PTPRK: variants seen among roughly 807,000 people sequenced by gnomAD.
PTPRK encodes receptor-type tyrosine-protein phosphatase kappa.
A neutral mutation model predicts 178.0 loss-of-function variants in PTPRK; 75 were observed. That is an observed-to-expected ratio of 0.42 (90% CI 0.35 to 0.51). PTPRK has a LOEUF of 0.51. Ranked by LOEUF, PTPRK falls within the 20% of genes least tolerant of loss-of-function variation. The pLI is 0.02. For missense variants in PTPRK, 1,441 were observed against 1,797.8 expected (o/e 0.80, Z 3.59); for synonymous variants, 637 against 620.6 (o/e 1.03, Z -0.39).
chr6:128,483,118 T>C (rs1423027040), intron 1 of PTPRK, among the ~76,000 whole-genome samples: 1 of 152,190 alleles, frequency 6.6e-6, no homozygotes, highest in African/African-American at 2.4e-5. Context: ...AATTTATCTA[T>C]TTATTTTCAA....
chr6:128,493,388 C>T lies in PTPRK; in HGVS notation c.100+26871G>A, dbSNP rs1462991761. On this transcript the variant is annotated intron_variant, in intron 1 of 29. Coordinates refer to ENST00000368226, the MANE Select transcript of PTPRK (RefSeq NM_002844.4). Reference sequence around the variant, plus strand: ...CCATCCTGGCTAACACAGTGAAACCCTGTCTCTACTAAAAATACAAAAAAT... The same window carrying T: ...CCATCCTGGCTAACACAGTGAAACCTTGTCTCTACTAAAAATACAAAAAAT... Among the ~76,000 whole-genome samples, 4 of 152,114 alleles carry T rather than the reference C, an allele frequency of 2.6e-5. No individual in the cohort carries two copies. The South Asian group carries it at 6.2e-4, about 24-fold the overall frequency.
At chr6:128,488,933 A>G (rs190413652) in intron 1 of PTPRK, among the ~76,000 whole-genome samples, 1 of 152,242 alleles carries the variant, frequency 6.6e-6, no homozygotes, top group East Asian at 1.9e-4. Context: ...ACAAAAAAAA[A>G]ATAAGAAAAA....
At chr6:128,467,325 A>T (rs1404925781) in intron 1 of PTPRK, among the ~76,000 whole-genome samples, 1 of 152,174 alleles carries the variant, frequency 6.6e-6, no homozygotes, top group East Asian at 1.9e-4. Context: ...TGCTAATGTT[A>T]CTCAGTTTGA....
At chr6:128,181,935 C>T (rs1292938407) in intron 7 of PTPRK, among the ~76,000 whole-genome samples, 1 of 152,036 alleles carries the variant, frequency 6.6e-6, no homozygotes, top group African/African-American at 2.4e-5. Context: ...TTTCTAATAA[C>T]AGAGCAAGAT....
intron 2 of PTPRK, among the ~76,000 whole-genome samples, chr6:128,332,944 A>T (rs957428513): frequency 4.6e-5 from 7 of 152,208 alleles, no homozygotes; most frequent in African/African-American, 1.7e-4. Flanking sequence ...AGATTTTTCC[A>T]ATTTCTGAAA....
chr6:128,359,054 C>T (rs1467211297), intron 2 of PTPRK, among the ~76,000 whole-genome samples: 1 of 152,228 alleles, frequency 6.6e-6, no homozygotes, highest in African/African-American at 2.4e-5. Flanking sequence ...CCTAATTGCC[C>T]TTGCTTTCAC....
intron 6 of PTPRK, among the ~76,000 whole-genome samples, chr6:128,216,822 G>A (rs138144213): frequency 1.3e-5 from 2 of 151,692 alleles, no homozygotes; most frequent in African/African-American, 4.9e-5. Context: ...TATAAAGGGA[G>A]CACCTGGATA....
chr6:128,213,425 G>A (rs576482208), intron 6 of PTPRK, among the ~76,000 whole-genome samples: 16 of 151,962 alleles, frequency 1.1e-4, no homozygotes, highest in Admixed American at 2.6e-4. Flanking sequence ...AGGGGTTTTG[G>A]GGGGTAAAAT....
At chr6:128,350,681 T>G (rs1833000818) in intron 2 of PTPRK, among the ~76,000 whole-genome samples, 1 of 152,204 alleles carries the variant, frequency 6.6e-6, no homozygotes, top group South Asian at 2.1e-4. Context: ...TAGAATAACT[T>G]AAAGTAATGC....
At chr6:128,431,501 TA>T (rs911548107) in intron 1 of PTPRK, among the ~76,000 whole-genome samples, 12 of 151,358 alleles carry the variant, frequency 7.9e-5, no homozygotes, top group East Asian at 7.7e-4. Context: ...GAAATCAATT[TA>T]AAAAAAAATA....
chr6:128,025,788 G>A (rs374472813), intron 13 of PTPRK, among the ~76,000 whole-genome samples: 1 of 152,140 alleles, frequency 6.6e-6, no homozygotes, highest in Non-Finnish European at 1.5e-5. Context: ...CTCTACCTCT[G>A]TGGTCACATT....
intron 2 of PTPRK, among the ~76,000 whole-genome samples, chr6:128,334,067 T>C (rs1329324081): frequency 6.6e-6 from 1 of 152,088 alleles, no homozygotes; most frequent in African/African-American, 2.4e-5. Flanking sequence ...CATACAACAT[T>C]TATCAGTTAA....
intron 2 of PTPRK, among the ~76,000 whole-genome samples, chr6:128,353,223 T>A (rs1338375802): frequency 6.6e-6 from 1 of 152,194 alleles, no homozygotes; most frequent in South Asian, 2.1e-4. Context: ...AGTGCTAGCA[T>A]CAAATGCTGG....
intron 3 of PTPRK, among the ~76,000 whole-genome samples, chr6:128,314,193 T>C (rs2128317568): frequency 6.6e-6 from 1 of 152,332 alleles, no homozygotes; most frequent in South Asian, 2.1e-4. Context: ...TCTGCTTTCA[T>C]ATTTTTTAAA....
chr6:128,511,825 C>T (rs888505696), intron 1 of PTPRK, among the ~76,000 whole-genome samples: 1 of 152,084 alleles, frequency 6.6e-6, no homozygotes, highest in African/African-American at 2.4e-5. Flanking sequence ...CTTAACCCCT[C>T]GAGGCCTTAG....
chr6:128,188,030 A>G (rs1230830952), intron 6 of PTPRK, among the ~76,000 whole-genome samples: 1 of 152,178 alleles, frequency 6.6e-6, no homozygotes, highest in East Asian at 1.9e-4. Context: ...CTGCAGCAAT[A>G]TTAATATTCT....
At chr6:128,404,801 A>G (rs184185523) in intron 1 of PTPRK, among the ~76,000 whole-genome samples, 3 of 152,338 alleles carry the variant, frequency 2.0e-5, no homozygotes, top group African/African-American at 7.2e-5. Flanking sequence ...CCCAAAGAAG[A>G]AAAAATGAAA....
At chr6:128,188,347 ATG>A in intron 6 of PTPRK, among the ~76,000 whole-genome samples, 1 of 150,436 alleles carries the variant, frequency 6.6e-6, no homozygotes, top group Non-Finnish European at 1.5e-5. Context: ...TTACAAACAC[ATG>A]TGTCACTTAG....
At chr6:128,508,814 G>A (rs1456294206) in intron 1 of PTPRK, among the ~76,000 whole-genome samples, 1 of 152,030 alleles carries the variant, frequency 6.6e-6, no homozygotes, top group African/African-American at 2.4e-5. Flanking sequence ...CATGGTGGAG[G>A]CAGGTGCCTG....
Sources: gnomAD v4.1 joint callset for allele counts (sites outside exome capture counted in the v4.1 genomes callset) on GRCh38, gnomAD v4.1.1 for gene constraint, MANE v1.5 for transcripts, NCBI Gene and HGNC (gene_info 2026-07-23, HGNC 2026-07-21) for gene names.